Variants in PHLPP1 observed in about 807,000 individuals in gnomAD.
PHLPP1 encodes PH domain and leucine rich repeat protein phosphatase 1.
PHLPP1 carries 42 observed loss-of-function variants against 117.2 expected under a neutral mutation model. The ratio of observed to expected loss-of-function variants is 0.36; its 90% CI spans 0.28 to 0.46. PHLPP1 has a LOEUF of 0.46. Among genes scored for constraint, PHLPP1 ranks in the 20% least tolerant of loss-of-function variants. The pLI, the probability that PHLPP1 is intolerant of heterozygous loss-of-function variation, is 1.00. For synonymous variants in PHLPP1, 1,042 were observed against 970.7 expected (o/e 1.07, Z -1.37); for missense variants, 2,084 against 2,241.9 (o/e 0.93, Z 1.42).
intron 1 of PHLPP1, among the ~76,000 whole-genome samples, chr18:62,744,426 A>C (rs538100345): frequency 2.0e-5 from 3 of 152,362 alleles, no homozygotes; most frequent in Non-Finnish European, 2.9e-5. Flanking sequence ...CTGTCTAAGA[A>C]TTGATGTTTA....
chr18:62,716,432 A>G lies in PHLPP1; in HGVS notation c.749A>G (p.Gln250Arg), dbSNP rs749978797. ...GGCGGCGTGGTGAAGGTGCTGGGCC[A>G]GGGGCCCGGAGCCGCCGCCGCCCGG... ...KGGGVVKVLG[Q>R]GPGAAAAREP... Residue 250 changes from glutamine (Q) to arginine (R), a missense_variant, in exon 1 of 17, where the codon CAG becomes CGG. By Grantham distance (43) the Gln-to-Arg change is conservative (BLOSUM62 1). Transcript: ENST00000262719. This position sits in a 1 kb window ranked among gnomAD's most constrained non-coding sequence, Gnocchi z 5.7. 137 of 1,365,860 alleles carry G rather than the reference A, an allele frequency of 1.0e-4. 1 individual carries two copies. In the East Asian group the frequency reaches 3.4e-3, roughly 34 times the overall value. The allele number at this position is 1,365,860 out of a possible 1,614,324, so 84.6% of individuals were successfully genotyped here.
intron 1 of PHLPP1, among the ~76,000 whole-genome samples, chr18:62,771,211 C>CAAAAAA: frequency 1.7e-5 from 1 of 58,732 alleles, no homozygotes; most frequent in East Asian, 5.0e-4. Context: ...GAGACTGTCT[C>CAAAAAA]AAAAAAAAAA....
In PHLPP1 at chr18:62,975,506, G is replaced by A; in HGVS notation, c.3865G>A (p.Gly1289Ser). 2 of 1,613,718 alleles carry A rather than the reference G, an allele frequency of 1.2e-6. No homozygotes were observed. The highest frequency in any genetic ancestry group is 1.7e-6 in the Non-Finnish European group (2 of 1,179,646). Residue 1289 changes from glycine (G) to serine (S), a missense_variant, in exon 16 of 17, where the codon GGC becomes AGC. This residue lies in a region of PHLPP1 where 1,365 missense variants were observed against 1,605.9 expected (regional missense o/e 0.85). Coordinates refer to ENST00000262719, the MANE Select transcript of PHLPP1 (RefSeq NM_194449.4). The part of the protein sequence containing the change: ...GSFTLTSANV[G>S]KCQTVLCRNG... ...CTTCACCTTGACCTCTGCTAATGTGGGCAAGTGCCAAACAGTTCTCTGTCG... is the reference window on the plus strand; with the variant it reads ...CTTCACCTTGACCTCTGCTAATGTGAGCAAGTGCCAAACAGTTCTCTGTCG...
chr18:62,744,619 A>C (rs973591266), intron 1 of PHLPP1, among the ~76,000 whole-genome samples: 1 of 152,182 alleles, frequency 6.6e-6, no homozygotes, highest in Non-Finnish European at 1.5e-5. Flanking sequence ...TTATTGAATG[A>C]GTAAGGGAGA....
At chr18:62,883,328 C>T (rs542680865) in intron 4 of PHLPP1, among the ~76,000 whole-genome samples, 11 of 152,244 alleles carry the variant, frequency 7.2e-5, no homozygotes, top group East Asian at 3.9e-4. Flanking sequence ...TGACAGTACA[C>T]GGCAGGTGGT....
chr18:62,844,165 G>A (rs995841181), intron 3 of PHLPP1, among the ~76,000 whole-genome samples: 1 of 151,838 alleles, frequency 6.6e-6, no homozygotes, highest in African/African-American at 2.4e-5. Context: ...TGGCCAACAT[G>A]GTCTCTACAA....
At chr18:62,787,927 G>A (rs921107010) in intron 1 of PHLPP1, among the ~76,000 whole-genome samples, 1 of 152,188 alleles carries the variant, frequency 6.6e-6, no homozygotes, top group Admixed American at 6.5e-5. Context: ...TTGGTTAAAA[G>A]TACATTTGCC....
rs749249261 is a variant in PHLPP1 at position 62,895,111 on chromosome 18, T to C, written c.2167T>C (p.Cys723Arg). 1.9e-5 allele frequency: 31 copies of C among 1,613,882 alleles called. No homozygotes were observed. The Admixed American group carries it at 5.0e-4, about 26-fold the overall frequency. ...AACCCTGGCAGAGCTGAACGTGTCC[T>C]GCAATGCCCTGCGATCAGTCCCGGC... ...IPTLAELNVS[C>R]NALRSVPAAV... Residue 723 changes from cysteine (C) to arginine (R), a missense_variant, in exon 5 of 17, where the codon TGC (cysteine) becomes CGC (arginine). Coordinates refer to ENST00000262719, the MANE Select transcript of PHLPP1 (RefSeq NM_194449.4).
intron 9 of PHLPP1, among the ~76,000 whole-genome samples, chr18:62,918,383 G>C (rs1269118461): frequency 6.7e-6 from 1 of 149,198 alleles, no homozygotes; most frequent in Non-Finnish European, 1.5e-5. Context: ...GAAAAATAAA[G>C]ATAAAAGATT....
chr18:62,933,601 T>C (rs1263476726), intron 10 of PHLPP1, among the ~76,000 whole-genome samples: 1 of 152,050 alleles, frequency 6.6e-6, no homozygotes, highest in African/African-American at 2.4e-5. Context: ...TCCCACCATA[T>C]ACAAAAACTA....
intron 1 of PHLPP1, among the ~76,000 whole-genome samples, chr18:62,813,112 A>G (rs1411622003): frequency 6.6e-6 from 1 of 152,220 alleles, no homozygotes; most frequent in East Asian, 1.9e-4. Flanking sequence ...AATTTCAAAT[A>G]TGTTTTGCCA....
chr18:62,891,268 C>T (rs1262272190), intron 4 of PHLPP1, among the ~76,000 whole-genome samples: 3 of 152,098 alleles, frequency 2.0e-5, no homozygotes, highest in African/African-American at 4.8e-5. Context: ...TTATATATAT[C>T]GATATTTGCT....
intron 1 of PHLPP1, among the ~76,000 whole-genome samples, chr18:62,775,954 A>T (rs984992766): frequency 3.3e-5 from 5 of 152,148 alleles, no homozygotes; most frequent in African/African-American, 1.2e-4. Flanking sequence ...AATTTATATA[A>T]ATTTCATATA....
At chr18:62,821,567 A>AAAAAAAAAAG (rs1914458063) in intron 1 of PHLPP1, among the ~76,000 whole-genome samples, 1 of 149,586 alleles carries the variant, frequency 6.7e-6, no homozygotes, top group Non-Finnish European at 1.5e-5. Flanking sequence ...AAAAAAAAAA[A>AAAAAAAAAAG]AAAAGAAAAG....
At chr18:62,760,285 AC>A (rs1190436768) in intron 1 of PHLPP1, among the ~76,000 whole-genome samples, 1 of 151,846 alleles carries the variant, frequency 6.6e-6, no homozygotes, top group African/African-American at 2.4e-5. Context: ...TGATACATAC[AC>A]ATGGTCTCCT....
At chr18:62,962,027 A>T (rs1910783448) in intron 13 of PHLPP1, among the ~76,000 whole-genome samples, 1 of 152,230 alleles carries the variant, frequency 6.6e-6, no homozygotes, top group South Asian at 2.1e-4. Flanking sequence ...GTACCAACAG[A>T]TAATTTTAAT....
intron 14 of PHLPP1, among the ~76,000 whole-genome samples, 156 bp from the exon 15 acceptor site, chr18:62,972,358 T>G (rs957372231): frequency 3.3e-5 from 5 of 152,200 alleles, no homozygotes; most frequent in African/African-American, 1.2e-4. Context: ...AATTGGCTGT[T>G]GGAAATTAGC....
chr18:62,939,465 A>G (rs1197991924), intron 10 of PHLPP1, among the ~76,000 whole-genome samples: 1 of 152,204 alleles, frequency 6.6e-6, no homozygotes, highest in East Asian at 1.9e-4. Flanking sequence ...AAACAGACTC[A>G]TAAAAATACT....
intron 1 of PHLPP1, among the ~76,000 whole-genome samples, chr18:62,789,714 T>C (rs1913401412): frequency 6.6e-6 from 1 of 152,210 alleles, no homozygotes; most frequent in Non-Finnish European, 1.5e-5. Flanking sequence ...AAATCCCTGA[T>C]GCTGTTTGGA....
Sources: allele counts gnomAD v4.1 joint callset (sites outside exome capture counted in the v4.1 genomes callset), GRCh38; gene constraint gnomAD v4.1.1; regional missense constraint gnomAD v4.1.1; non-coding constraint Gnocchi (gnomAD v3.1); transcripts MANE v1.5; gene names NCBI Gene and HGNC (gene_info 2026-07-23, HGNC 2026-07-21).